The following HSD17B6 variants were observed in gnomAD, a reference collection of about 807,000 sequenced individuals.
HSD17B6 encodes the protein hydroxysteroid 17-beta dehydrogenase 6, also known as 17-beta-hydroxysteroid dehydrogenase type 6.
HSD17B6 carries 16 observed loss-of-function variants against 26.4 expected under a neutral mutation model. The ratio of observed to expected loss-of-function variants is 0.61; its 90% confidence interval spans 0.41 to 0.92. HSD17B6 has a LOEUF of 0.92. Ranked by LOEUF, HSD17B6 falls within the 40% of genes least tolerant of loss-of-function variation. HSD17B6 has a pLI of 0.00. For synonymous variants in HSD17B6, 139 were observed against 153.0 expected, an observed-to-expected ratio of 0.91 and a Z score of 0.68; for missense variants, 357 against 386.1, an observed-to-expected ratio of 0.92 and a Z score of 0.63.
chr12:56,780,160 T>C (rs1189248582), intron 2 of HSD17B6, among the ~76,000 whole-genome samples: 1 of 152,222 alleles, frequency 6.6e-6, no homozygotes, highest in Non-Finnish European at 1.5e-5. Context: ...TATTTTTTCT[T>C]TGATCTTTAT....
intron 3 of HSD17B6, 51 bp from the exon 4 acceptor site, chr12:56,784,802 G>C: frequency 6.4e-7 from 1 of 1,559,112 alleles, no homozygotes; most frequent in Admixed American, 2.0e-5. Flanking sequence ...CTTCCTGAAA[G>C]CATTGAAATG....
At chr12:56,772,232 CT>C (rs1954489145) in intron 1 of HSD17B6, among the ~76,000 whole-genome samples, 1 of 152,096 alleles carries the variant, frequency 6.6e-6, no homozygotes, top group Non-Finnish European at 1.5e-5. Flanking sequence ...GTTTTTACTT[CT>C]GTTATAATGC....
chr12:56,773,072 A>G (rs1954513101), intron 1 of HSD17B6, among the ~76,000 whole-genome samples: 1 of 151,994 alleles, frequency 6.6e-6, no homozygotes, highest in African/African-American at 2.4e-5. Flanking sequence ...AGAATTTCAT[A>G]TAGAAACATA....
At chr12:56,768,924 C>T (rs1253158999) in intron 1 of HSD17B6, among the ~76,000 whole-genome samples, 1 of 151,502 alleles carries the variant, frequency 6.6e-6, no homozygotes, top group Non-Finnish European at 1.5e-5. Flanking sequence ...AAATGGCCAA[C>T]TATGAGACCT....
chr12:56,785,955 TC>T (rs1301064386), intron 4 of HSD17B6: 1 of 985,152 alleles, frequency 1.0e-6, no homozygotes, highest in Admixed American at 6.1e-5. Flanking sequence ...AGAATATTAT[TC>T]TGAAGACCTG....
chr12:56,768,128 C>T (rs549196040), intron 1 of HSD17B6, among the ~76,000 whole-genome samples: 101 of 152,088 alleles, frequency 6.6e-4, no homozygotes, highest in African/African-American at 2.2e-3. Context: ...GAGCATGGCA[C>T]GATCTGAAAG....
rs766082303 is a variant in HSD17B6, at chr12:56,787,284, C to T, written c.896C>T (p.Thr299Ile). Residue 299 changes from threonine (T) to isoleucine (I), a missense_variant, in exon 5 of 5, where the codon ACA becomes ATA. Physicochemically the swap from Thr to Ile is moderately conservative, Grantham distance 89. Coordinates refer to ENST00000322165, the MANE Select transcript of HSD17B6 (RefSeq NM_003725.4). ...TTCATCCCTCTATCTTATTTACCTA[C>T]ATCACTGGCAGACTACATTTTGACT... The part of the protein sequence containing the change: ...FFFIPLSYLP[T>I]SLADYILTRS... 1 of 1,614,142 alleles carries T rather than the reference C, an allele frequency of 6.2e-7. No homozygotes were observed. Among genetic ancestry groups the T allele is most frequent in the South Asian group, 1.1e-5 (1 of 91,056 alleles).
intron 3 of HSD17B6, among the ~76,000 whole-genome samples, chr12:56,783,585 C>G (rs186568160): frequency 8.1e-6 from 1 of 122,868 alleles, no homozygotes; most frequent in East Asian, 2.7e-4. Flanking sequence ...GCTGGCCGGG[C>G]GGGGGCTGAC....
At chr12:56,785,582 C>G (rs748176525) in intron 4 of HSD17B6, among the ~76,000 whole-genome samples, 1 of 152,206 alleles carries the variant, frequency 6.6e-6, no homozygotes, top group African/African-American at 2.4e-5. Context: ...GACATATAGG[C>G]GGCCTGGGGC....
At chr12:56,773,174 C>G (rs1954515209) in intron 1 of HSD17B6, among the ~76,000 whole-genome samples, 1 of 152,194 alleles carries the variant, frequency 6.6e-6, no homozygotes, top group Non-Finnish European at 1.5e-5. Context: ...ACTATTGGAT[C>G]TCCTAATGGA....
At chr12:56,782,660 A>AT (rs62818963) in intron 3 of HSD17B6, among the ~76,000 whole-genome samples, 2,242 of 133,088 alleles carry the variant, frequency 0.017, 30 homozygotes, top group African/African-American at 0.046. Context: ...TGCCCAGCTA[A>AT]TTTTTTTTTT....
At chr12:56,786,249 GTT>G (rs56722036) in intron 4 of HSD17B6, among the ~76,000 whole-genome samples, 41 of 127,092 alleles carry the variant, frequency 3.2e-4, no homozygotes, top group South Asian at 5.0e-4. Flanking sequence ...TAAGTTGTGT[GTT>G]TTTTTTTTTT....
chr12:56,780,840 C>CA (rs59227954), intron 2 of HSD17B6, among the ~76,000 whole-genome samples: 21,608 of 62,172 alleles, frequency 0.35, 3,185 homozygotes, highest in Non-Finnish European at 0.39. Context: ...GACTCCGTCT[C>CA]AAAAAAAAAA....
At chr12:56,780,746 G>A (rs902603628) in intron 2 of HSD17B6, among the ~76,000 whole-genome samples, 4 of 151,616 alleles carry the variant, frequency 2.6e-5, no homozygotes, top group African/African-American at 9.7e-5. Context: ...CTACTCAGGA[G>A]GCTAAGGCAG....
rs191296024 is a variant in HSD17B6, at chr12:56,776,705, G to A, written c.313+2540G>A. On this transcript the variant is annotated intron_variant, in intron 2 of 4. Coordinates refer to ENST00000322165, the MANE Select transcript of HSD17B6 (RefSeq NM_003725.4). Reference sequence around the variant, plus strand: ...CTTACTCTGTTGCCCAGGTTGAAGTGCAGCGGTGCAATAATAGCTCACTGC... The same window carrying A: ...CTTACTCTGTTGCCCAGGTTGAAGTACAGCGGTGCAATAATAGCTCACTGC... Among the ~76,000 whole-genome samples the A allele has an allele frequency of 2.0e-5, 3 of 152,240 alleles. No homozygotes were observed. The East Asian group carries it at 5.8e-4, about 29-fold the overall frequency.
intron 2 of HSD17B6, among the ~76,000 whole-genome samples, chr12:56,775,294 T>G (rs1258917886): frequency 6.6e-6 from 1 of 152,252 alleles, no homozygotes; most frequent in South Asian, 2.1e-4. Flanking sequence ...CATAGCTCAC[T>G]GCAGCCTTGA....
At chr12:56,772,120 T>G (rs1752165262) in intron 1 of HSD17B6, among the ~76,000 whole-genome samples, 1 of 152,190 alleles carries the variant, frequency 6.6e-6, no homozygotes, top group African/African-American at 2.4e-5. Flanking sequence ...AACGGACTAG[T>G]ACACCTGTAG....
At position 56,783,814 on chromosome 12, in the gene HSD17B6, G is replaced by C. The variant is rs560219052; in HGVS notation, c.573-1039G>C. ...CCGGACGGGGCGGCTGGCCGGGCGG[G>C]GGCTGACCCCCACCTCCCTCCCGGA... On this transcript the variant is annotated intron_variant, in intron 3 of 4. Coordinates refer to ENST00000322165, the MANE Select transcript of HSD17B6 (RefSeq NM_003725.4). 2.9e-3 allele frequency among the ~76,000 whole-genome samples: 443 copies of C among 151,702 alleles called. 2 individuals carry two copies. The highest frequency in any genetic ancestry group is 0.011 in the African/African-American group (436 of 41,420).
Position 56,787,264 on chromosome 12 carries a change from C to G in HSD17B6, c.876C>G (p.Ile292Met). 1 of 1,614,134 alleles carries G rather than the reference C, an allele frequency of 6.2e-7. No homozygotes were observed. Among genetic ancestry groups the G allele is most frequent in the Non-Finnish European group, 8.5e-7 (1 of 1,179,986 alleles). Residue 292 changes from isoleucine (I) to methionine (M), a missense_variant, in exon 5 of 5, where the codon ATC becomes ATG. Transcript: ENST00000322165. ...SAGWDAKFFF[I>M]PLSYLPTSLA... ...GCTGGGATGCTAAATTTTTCTTCAT[C>G]CCTCTATCTTATTTACCTACATCAC...
Sources: allele counts gnomAD v4.1 joint callset (sites outside exome capture counted in the v4.1 genomes callset), GRCh38; gene constraint gnomAD v4.1.1; transcripts MANE v1.5; gene names NCBI Gene and HGNC (gene_info 2026-07-23, HGNC 2026-07-21).